ANO4: variants seen among roughly 807,000 people sequenced by gnomAD.
The protein encoded by ANO4 is anoctamin 4.
In ANO4, 69 loss-of-function variants were observed where a neutral mutation model predicts 141.9. The observed-to-expected ratio is 0.49, with a 90% CI of 0.40 to 0.59. The LOEUF (loss-of-function observed/expected upper bound fraction) is 0.59. ANO4 is among the 20% of genes least tolerant of loss of function. ANO4 has a pLI of 0.00. For missense variants in ANO4, 894 were observed against 1,162.2 expected (o/e 0.77, Z 3.36); for synonymous variants, 350 against 394.3 (o/e 0.89, Z 1.33).
At chr12:100,969,204 T>C (rs1175420148) in intron 5 of ANO4, among the ~76,000 whole-genome samples, 1 of 152,204 alleles carries the variant, frequency 6.6e-6, no homozygotes. Flanking sequence ...ATATTGTGTG[T>C]GTGGTCCCTC....
intron 3 of ANO4, among the ~76,000 whole-genome samples, chr12:100,750,119 CT>C (rs938357510): frequency 1.7e-3 from 253 of 147,528 alleles, no homozygotes; most frequent in South Asian, 0.016. Context: ...TTCTGCATTT[CT>C]TTTTTTTTTT....
intron 2 of ANO4, among the ~76,000 whole-genome samples, chr12:100,909,241 T>C (rs2040989221): frequency 6.6e-6 from 1 of 152,234 alleles, no homozygotes; most frequent in African/African-American, 2.4e-5. Flanking sequence ...TACCGGTTTT[T>C]CTAGTTTTGC....
At chr12:100,791,563 G>A (rs1330656501), upstream of ANO4, among the ~76,000 whole-genome samples, 2 of 152,210 alleles carry the variant, frequency 1.3e-5, no homozygotes, top group African/African-American at 4.8e-5. Context: ...TGAGGTAAAA[G>A]AAGTTTCGGC....
rs572877405 is a variant in ANO4 at position 101,070,806 on chromosome 12, T to C, written c.1313-8387T>C. 2.0e-5 allele frequency among the ~76,000 whole-genome samples: 3 copies of C among 152,210 alleles called. 1 individual carries two copies. The South Asian group carries it at 6.2e-4, about 32-fold the overall frequency. ...TTAATAACCAGAATATATAAGCAGCTCAAACTACTTTGTAGGAAAAAGACC... is the reference window on the plus strand; with the variant it reads ...TTAATAACCAGAATATATAAGCAGCCCAAACTACTTTGTAGGAAAAAGACC... On this transcript the variant is annotated intron_variant, in intron 14 of 27. Transcript: ENST00000392977.
rs1463149041 is a variant in ANO4 at position 101,080,883 on chromosome 12, T to TTA, written c.1395+1625_1395+1626dup. ...GGTTCTAGATATATATATATATATA[T>TTA]TATATATATATATATATACATACAC... On this transcript the variant is annotated intron_variant, in intron 15 of 27. Transcript: ENST00000392977. 2.6e-3 allele frequency among the ~76,000 whole-genome samples: 190 copies of TTA among 74,094 alleles called. 2 individuals carry two copies. The highest frequency in any genetic ancestry group is 4.4e-3 in the African/African-American group (114 of 25,640). The allele number at this position is 74,094 out of a possible 152,430, so 48.6% of individuals were successfully genotyped here. A position where few individuals can be genotyped will look rare whatever the true frequency, so the allele number is the denominator to read the frequency against.
At chr12:101,079,351 C>CAGAACAGAGAGTGACAAT in intron 15 of ANO4, 76 bp downstream of exon 15, 1 of 1,251,168 alleles carries the variant, frequency 8.0e-7, no homozygotes, top group Non-Finnish European at 1.2e-6. Context: ...AAAATTGTCA[C>CAGAACAGAGAGTGACAAT]TCTCTGTTCT....
chr12:100,996,634 G>A (rs953950337), intron 8 of ANO4, among the ~76,000 whole-genome samples: 1 of 152,164 alleles, frequency 6.6e-6, no homozygotes, highest in African/African-American at 2.4e-5. Context: ...GCAGTGAGCC[G>A]AGATTGTGCC....
chr12:100,942,609 A>G, intron 5 of ANO4, 74 bp downstream of exon 5: 2 of 1,479,196 alleles, frequency 1.4e-6, no homozygotes, highest in East Asian at 2.3e-5. Flanking sequence ...GAAATAAGCA[A>G]GCAGTCTTAA....
At chr12:100,986,738 G>C (rs2044725110) in intron 7 of ANO4, among the ~76,000 whole-genome samples, 1 of 152,146 alleles carries the variant, frequency 6.6e-6, no homozygotes, top group African/African-American at 2.4e-5. Context: ...AGTTTGGTGT[G>C]GTTTTTGCGC....
chr12:100,977,888 A>G (rs2044275289), intron 7 of ANO4, among the ~76,000 whole-genome samples: 1 of 152,180 alleles, frequency 6.6e-6, no homozygotes, highest in Non-Finnish European at 1.5e-5. Flanking sequence ...TGCTCCATCC[A>G]TATTGAGCTC....
chr12:100,959,751 A>G (rs1339011101), intron 5 of ANO4, among the ~76,000 whole-genome samples: 2 of 151,972 alleles, frequency 1.3e-5, no homozygotes, highest in Non-Finnish European at 2.9e-5. Context: ...GCTCTTTCTC[A>G]ATCCCCTTTG....
chr12:100,851,750 C>G (rs1318244588), intron 1 of ANO4, among the ~76,000 whole-genome samples: 3 of 151,972 alleles, frequency 2.0e-5, no homozygotes, highest in Non-Finnish European at 4.4e-5. Context: ...GAAGTGTGGG[C>G]TGTGAAGGAA....
chr12:100,780,403 G>A (rs1295437256), intron 3 of ANO4, among the ~76,000 whole-genome samples: 2 of 152,192 alleles, frequency 1.3e-5, no homozygotes, highest in African/African-American at 2.4e-5. Context: ...AATAGCACTC[G>A]TGGATTGCTG....
chr12:101,075,002 G>A (rs1016053006), intron 14 of ANO4, among the ~76,000 whole-genome samples: 3 of 151,962 alleles, frequency 2.0e-5, no homozygotes, highest in Admixed American at 1.3e-4. Flanking sequence ...TCTGGGTTTG[G>A]GTTTTTATTG....
chr12:100,841,759 T>C (rs1047130247), intron 1 of ANO4, among the ~76,000 whole-genome samples: 3 of 152,178 alleles, frequency 2.0e-5, no homozygotes, highest in African/African-American at 7.2e-5. Context: ...CTTTCAGAAA[T>C]ATAGGATATA....
In ANO4 at chr12:101,104,627, G is replaced by GTGTATA. The variant is rs1297866922; in HGVS notation, c.2149+4908_2149+4909insGTATAT. Among the ~76,000 whole-genome samples the GTGTATA allele has an allele frequency of 8.9e-3, 547 of 61,760 alleles. 3 individuals are homozygous for GTGTATA. Among genetic ancestry groups the GTGTATA allele is most frequent in the South Asian group, 0.014 (22 of 1,564 alleles). The allele number at this position is 61,760 out of a possible 152,430, so 40.5% of individuals were successfully genotyped here. A position where few individuals can be genotyped will look rare whatever the true frequency, so the allele number is the denominator to read the frequency against. ...TGTGTGTGTGTGTGTATGTATGTGT[G>GTGTATA]TATATATATATATATATATATATAT... On this transcript the variant is annotated intron_variant, in intron 22 of 27. Coordinates refer to ENST00000392977, the MANE Select transcript of ANO4 (RefSeq NM_001286615.2).
chr12:100,864,623 T>C (rs1178208597), intron 1 of ANO4, among the ~76,000 whole-genome samples: 1 of 152,150 alleles, frequency 6.6e-6, no homozygotes, highest in Non-Finnish European at 1.5e-5. Flanking sequence ...TAAGCCCTGC[T>C]TTTGCCTCAA....
chr12:101,106,204 C>A (rs529135869), intron 22 of ANO4, among the ~76,000 whole-genome samples: 7 of 151,604 alleles, frequency 4.6e-5, no homozygotes, highest in African/African-American at 1.7e-4. Flanking sequence ...CCAAACAAGC[C>A]CAGAGAAAAG....
intron 9 of ANO4, among the ~76,000 whole-genome samples, chr12:101,022,744 CT>C (rs926231678): frequency 4.7e-5 from 7 of 148,850 alleles, no homozygotes; most frequent in East Asian, 2.0e-4. Flanking sequence ...ACTTATGACT[CT>C]TTTTTTTTTG....
Sources: allele counts gnomAD v4.1 joint callset (sites outside exome capture counted in the v4.1 genomes callset), GRCh38; gene constraint gnomAD v4.1.1; transcripts MANE v1.5; gene names NCBI Gene and HGNC (gene_info 2026-07-23, HGNC 2026-07-21).